NEIL3: variants seen among roughly 807,000 people sequenced by gnomAD.
The protein encoded by NEIL3 is endonuclease 8-like 3.
NEIL3 carries 48 observed loss-of-function variants against 57.5 expected under a neutral mutation model. The ratio of observed to expected loss-of-function variants is 0.83; its 90% confidence interval spans 0.66 to 1.06. The LOEUF (loss-of-function observed/expected upper bound fraction) is 1.06. Ranked by LOEUF, NEIL3 falls within the 50% of genes least tolerant of loss-of-function variation. The probability of loss-of-function intolerance (pLI) is 0.00; values close to 1 mark genes in which losing one functional copy is unlikely to be tolerated. For missense variants in NEIL3, 717 were observed against 739.1 expected, an observed-to-expected ratio of 0.97 and a Z score of 0.35; for synonymous variants, 261 against 253.2, an observed-to-expected ratio of 1.03 and a Z score of -0.29.
chr4:177,329,231 T>TATTTAAATAATAGTAATATTAAATATA (rs1734837130), intron 2 of NEIL3, among the ~76,000 whole-genome samples: 1 of 152,090 alleles, frequency 6.6e-6, no homozygotes, highest in African/African-American at 2.4e-5. Context: ...ACAATAGTAA[T>TATTTAAATAATAGTAATATTAAATATA]ACAGTATATT....
chr4:177,315,961 C>A (rs1734566595), intron 1 of NEIL3, among the ~76,000 whole-genome samples: 2 of 152,104 alleles, frequency 1.3e-5, no homozygotes, highest in Non-Finnish European at 2.9e-5. Context: ...ACAGTAGTAC[C>A]ACCTGTCCAC....
chr4:177,368,460 G>A, the NEIL3 span, among the ~76,000 whole-genome samples: 1 of 152,254 alleles, frequency 6.6e-6, no homozygotes, highest in East Asian at 1.9e-4. Context: ...TGTCTTTACA[G>A]CACTGATATC....
At chr4:177,333,361 TGA>T (rs1300204500) in intron 2 of NEIL3, among the ~76,000 whole-genome samples, 1 of 152,234 alleles carries the variant, frequency 6.6e-6, no homozygotes, top group African/African-American at 2.4e-5. Context: ...ATATTTCTAA[TGA>T]GAGGAATTTT....
chr4:177,316,620 G>A, intron 1 of NEIL3, among the ~76,000 whole-genome samples: 1 of 152,064 alleles, frequency 6.6e-6, no homozygotes, highest in South Asian at 2.1e-4. Flanking sequence ...AGAAGTGAAT[G>A]TATATTTTAA....
Position 177,347,131 on chromosome 4 carries a change from A to G in NEIL3, c.870-4249A>G, listed in dbSNP as rs192350996. Among the ~76,000 whole-genome samples the G allele has an allele frequency of 5.7e-3, 871 of 152,318 alleles. 21 individuals are homozygous for G. The highest frequency in any genetic ancestry group is 0.034 in the East Asian group (178 of 5,182). ...TAGCGGATAGTGACGGAGACGGCTC[A>G]TTTTTGATAGGGTAGCAGATAAGTC... is the stretch of plus-strand genomic sequence containing the variant. On this transcript the variant is annotated intron_variant, in intron 6 of 9. Coordinates refer to ENST00000264596, the MANE Select transcript of NEIL3 (RefSeq NM_018248.3).
At chr4:177,323,653 CT>C (rs1327249458) in intron 2 of NEIL3, among the ~76,000 whole-genome samples, 7 of 152,184 alleles carry the variant, frequency 4.6e-5, no homozygotes, top group African/African-American at 1.7e-4. Context: ...TACACTGCTG[CT>C]GTAGTAGACT....
intron 6 of NEIL3, chr4:177,343,426 C>CA (rs1735139361): frequency 6.6e-6 from 1 of 152,272 alleles, no homozygotes; most frequent in African/African-American, 2.4e-5. Context: ...GCAAAGGAAA[C>CA]AAAACCATAG....
At chr4:177,371,210 C>T in the NEIL3 span, among the ~76,000 whole-genome samples, 1 of 152,178 alleles carries the variant, frequency 6.6e-6, no homozygotes, top group African/African-American at 2.4e-5. Context: ...CTATGTCACT[C>T]CCAATCGCTA....
intron 4 of NEIL3, among the ~76,000 whole-genome samples, chr4:177,336,776 C>A (rs1734986990): frequency 6.6e-6 from 1 of 152,168 alleles, no homozygotes; most frequent in African/African-American, 2.4e-5. Flanking sequence ...TGTGAATGAA[C>A]TAACTCACAA....
At chr4:177,355,074 A>G (rs1401954917) in intron 8 of NEIL3, among the ~76,000 whole-genome samples, 1 of 152,052 alleles carries the variant, frequency 6.6e-6, no homozygotes, top group Middle Eastern at 3.2e-3. Context: ...ATTCCTAACT[A>G]TGGCAACCCG....
At chr4:177,342,221 A>G (rs1384784963) in intron 6 of NEIL3, among the ~76,000 whole-genome samples, 4 of 152,146 alleles carry the variant, frequency 2.6e-5, no homozygotes, top group Non-Finnish European at 5.9e-5. Flanking sequence ...TCACAGTGAT[A>G]TTTTTGTCTC....
intron 4 of NEIL3, among the ~76,000 whole-genome samples, chr4:177,337,482 T>TTGGA (rs1560914151): frequency 6.6e-6 from 1 of 152,198 alleles, no homozygotes; most frequent in Non-Finnish European, 1.5e-5. Flanking sequence ...TTTTTGATAC[T>TTGGA]TGGAACACGT....
In NEIL3 at chr4:177,341,661, A is replaced by G; in HGVS notation, c.869+19A>G. The G allele has an allele frequency of 6.2e-7, 1 of 1,601,954 alleles. No homozygotes were observed. The highest frequency in any genetic ancestry group is 8.5e-7 in the Non-Finnish European group (1 of 1,172,092). On this transcript the variant is annotated intron_variant, in intron 6 of 9. Transcript: ENST00000264596. ...ACATATGGTAAGATATTGAATTTAA[A>G]GGGATACCATTTGCCCTAACCATCT...
At chr4:177,321,130 A>C (rs538199811) in intron 1 of NEIL3, among the ~76,000 whole-genome samples, 1 of 152,280 alleles carries the variant, frequency 6.6e-6, no homozygotes, top group South Asian at 2.1e-4. Flanking sequence ...ACTGAACAAT[A>C]TCATTTCACT....
In NEIL3 at chr4:177,333,079, T is replaced by A. The variant is rs115310880; in HGVS notation, c.279-2609T>A. Among the ~76,000 whole-genome samples, 1,317 of 152,232 alleles carry A rather than the reference T, an allele frequency of 8.7e-3. 17 individuals carry two copies. Among genetic ancestry groups the A allele is most frequent in the African/African-American group, 0.03 (1,250 of 41,518 alleles). On this transcript the variant is annotated intron_variant, in intron 2 of 9. Transcript: ENST00000264596. ...ATATCTTTTTACATTCTTTTTTTTT[T>A]AATTCCCAGCATAGGTTTTACAACT...
intron 6 of NEIL3, among the ~76,000 whole-genome samples, chr4:177,348,858 A>ATTTTTTTTTTTTTTTTTTTTTTTTTTTTT (rs749391559): frequency 4.1e-5 from 3 of 73,736 alleles, no homozygotes; most frequent in South Asian, 5.3e-4. Context: ...TGGCTCATGA[A>ATTTTTTTTTTTTTTTTTTTTTTTTTTTTT]TTTTTTTTTT....
intron 2 of NEIL3, among the ~76,000 whole-genome samples, chr4:177,329,946 C>T (rs966664553): frequency 3.3e-5 from 5 of 151,538 alleles, no homozygotes; most frequent in Admixed American, 6.6e-5. Context: ...GAGTCTTGCT[C>T]TGTCACCCAG....
chr4:177,315,483 A>G (rs1734557467), intron 1 of NEIL3, among the ~76,000 whole-genome samples: 1 of 152,230 alleles, frequency 6.6e-6, no homozygotes, highest in Non-Finnish European at 1.5e-5. Context: ...TATAAGGGTC[A>G]ACATGGGAAA....
chr4:177,356,697 T>G (rs112406350), intron 8 of NEIL3, among the ~76,000 whole-genome samples: 9 of 152,330 alleles, frequency 5.9e-5, no homozygotes, highest in African/African-American at 1.7e-4. Flanking sequence ...CTGTTCTCAT[T>G]ACCACACAAT....
Sources: gnomAD v4.1 joint callset for allele counts (sites outside exome capture counted in the v4.1 genomes callset) on GRCh38, gnomAD v4.1.1 for gene constraint, MANE v1.5 for transcripts, NCBI Gene and HGNC (gene_info 2026-07-23, HGNC 2026-07-21) for gene names.